Variants in BBS9 observed in about 807,000 individuals in gnomAD.
BBS9 encodes protein PTHB1.
In BBS9, 89 loss-of-function variants were observed where a neutral mutation model predicts 117.7. The ratio of observed to expected loss-of-function variants is 0.76; its 90% CI spans 0.64 to 0.90. BBS9 has a LOEUF of 0.90. Among genes scored for constraint, BBS9 ranks in the 40% least tolerant of loss-of-function variants. The pLI is 0.00. For missense variants in BBS9, 982 were observed against 1,042.2 expected (o/e 0.94, Z 0.80); for synonymous variants, 379 against 370.9 (o/e 1.02, Z -0.25).
chr7:33,598,564 A>G (rs543321018), intron 21 of BBS9, among the ~76,000 whole-genome samples: 4 of 152,342 alleles, frequency 2.6e-5, no homozygotes, highest in African/African-American at 7.2e-5. Flanking sequence ...CACACTAATG[A>G]AAGATATTAA....
chr7:33,285,192 C>G (rs1199310333), intron 9 of BBS9, among the ~76,000 whole-genome samples: 1 of 152,094 alleles, frequency 6.6e-6, no homozygotes, highest in Non-Finnish European at 1.5e-5. Flanking sequence ...AGGTCACTAA[C>G]AGATGTCTGT....
intron 5 of BBS9, among the ~76,000 whole-genome samples, chr7:33,189,591 T>G (rs1017074880): frequency 4.1e-5 from 6 of 145,198 alleles, no homozygotes; most frequent in Admixed American, 4.1e-4. Context: ...GTTTTTTTAA[T>G]TAAAAAAAAA....
At chr7:33,320,834 G>GT (rs888343837) in intron 9 of BBS9, among the ~76,000 whole-genome samples, 21 of 150,642 alleles carry the variant, frequency 1.4e-4, no homozygotes, top group East Asian at 3.9e-4. Context: ...TTTCCTCAAT[G>GT]TTTTTTTTTG....
At chr7:33,293,857 C>T (rs1208005798) in intron 9 of BBS9, among the ~76,000 whole-genome samples, 2 of 152,078 alleles carry the variant, frequency 1.3e-5, no homozygotes, top group Non-Finnish European at 2.9e-5. Flanking sequence ...TATTTCATCA[C>T]TTTCTTCTGA....
Position 33,263,957 on chromosome 7 carries a change from T to G in BBS9, c.618-333T>G, listed in dbSNP as rs865954022. ...GACTGCTTTGCATATTTACATTTTT[T>G]TCTGTCTATTTGGTGTTTAGGTGCT... On this transcript the variant is annotated intron_variant, in intron 6 of 22. Transcript: ENST00000242067. Among the ~76,000 whole-genome samples, 5 of 152,224 alleles carry G rather than the reference T, an allele frequency of 3.3e-5. No individual in the cohort carries two copies. The South Asian group carries it at 1.0e-3, about 32-fold the overall frequency.
At chr7:33,314,783 C>T in intron 9 of BBS9, among the ~76,000 whole-genome samples, 1 of 152,124 alleles carries the variant, frequency 6.6e-6, no homozygotes, top group Non-Finnish European at 1.5e-5. Context: ...AGTTGACACA[C>T]ATGCACAAAA....
rs573342080 is a variant in BBS9 at position 33,549,515 on chromosome 7, C to T, written c.2521+15339C>T. Among the ~76,000 whole-genome samples, 1,014 of 150,286 alleles carry T rather than the reference C, an allele frequency of 6.7e-3. 5 individuals are homozygous for T. Among genetic ancestry groups the T allele is most frequent in the Middle Eastern group, 0.045 (13 of 292 alleles). On this transcript the variant is annotated intron_variant, in intron 21 of 22. Coordinates refer to ENST00000242067, the MANE Select transcript of BBS9 (RefSeq NM_198428.3). Reference sequence around the variant, plus strand: ...AACCTACAAAATGGGAGAAAATTTTCGCAAGCTACTCATCTGACAAAGGGC... The same window carrying T: ...AACCTACAAAATGGGAGAAAATTTTTGCAAGCTACTCATCTGACAAAGGGC...
intron 20 of BBS9, among the ~76,000 whole-genome samples, chr7:33,516,486 C>T (rs539875021): frequency 1.8e-5 from 1 of 54,106 alleles, no homozygotes; most frequent in East Asian, 1.6e-3. Context: ...AATTTCATCT[C>T]CAAAAAAAAA....
chr7:33,177,187 A>T (rs1797444418), intron 4 of BBS9, among the ~76,000 whole-genome samples: 1 of 152,096 alleles, frequency 6.6e-6, no homozygotes, highest in Non-Finnish European at 1.5e-5. Context: ...TTTTGTTGTT[A>T]TTTAAATAAT....
chr7:33,281,400 GTCTCAC>G (rs1353715480), intron 9 of BBS9, among the ~76,000 whole-genome samples: 1 of 122,666 alleles, frequency 8.2e-6, no homozygotes, highest in Admixed American at 1.1e-4. Context: ...TTGAGGCAGG[GTCTCAC>G]TCTGTTTCCC....
intron 19 of BBS9, among the ~76,000 whole-genome samples, chr7:33,457,006 G>C (rs1417204669): frequency 6.6e-6 from 1 of 152,186 alleles, no homozygotes; most frequent in Non-Finnish European, 1.5e-5. Flanking sequence ...GTGAGATTTG[G>C]TCACCATGGT....
intron 19 of BBS9, among the ~76,000 whole-genome samples, chr7:33,418,022 AC>A (rs1444668337): frequency 6.6e-6 from 1 of 152,016 alleles, no homozygotes; most frequent in Non-Finnish European, 1.5e-5. Flanking sequence ...CATCTTGTTC[AC>A]TCTACCAAGC....
intron 19 of BBS9, among the ~76,000 whole-genome samples, chr7:33,423,742 T>G (rs1443403973): frequency 6.6e-6 from 1 of 152,088 alleles, no homozygotes; most frequent in African/African-American, 2.4e-5. Context: ...AGACAAAACT[T>G]GAAGTCTTCT....
intron 21 of BBS9, among the ~76,000 whole-genome samples, chr7:33,625,574 A>G (rs1268307578): frequency 6.6e-6 from 1 of 152,174 alleles, no homozygotes; most frequent in South Asian, 2.1e-4. Flanking sequence ...CTGCTGGTGC[A>G]AGGGTCAGGC....
intron 19 of BBS9, among the ~76,000 whole-genome samples, chr7:33,408,078 G>C (rs558015897): frequency 1.4e-4 from 22 of 152,332 alleles, no homozygotes; most frequent in African/African-American, 4.8e-4. Flanking sequence ...CTGGAGCTGT[G>C]GTGGGCTCCA....
exon 22 of BBS9, among the ~76,000 whole-genome samples, chr7:33,635,349 C>T (rs1866093547): frequency 6.6e-6 from 1 of 152,188 alleles, no homozygotes; most frequent in Non-Finnish European, 1.5e-5. Flanking sequence ...TGTCTTTGGT[C>T]TGTGATGCGA....
chr7:33,425,622 T>G (rs1156938613), intron 19 of BBS9, among the ~76,000 whole-genome samples: 1 of 152,134 alleles, frequency 6.6e-6, no homozygotes, highest in Non-Finnish European at 1.5e-5. Context: ...TGTGTCGAAA[T>G]GGACAGCAGC....
intron 19 of BBS9, among the ~76,000 whole-genome samples, chr7:33,491,799 G>A (rs187597717): frequency 6.6e-6 from 1 of 152,134 alleles, no homozygotes; most frequent in Admixed American, 6.5e-5. Context: ...CCATGAAGAG[G>A]TACTGAAATT....
chr7:33,626,345 G>A (rs1865636069), intron 21 of BBS9, among the ~76,000 whole-genome samples: 1 of 152,154 alleles, frequency 6.6e-6, no homozygotes, highest in Non-Finnish European at 1.5e-5. Context: ...GTCTCATGTG[G>A]TTCCTTATAG....
Sources: allele counts gnomAD v4.1 joint callset (sites outside exome capture counted in the v4.1 genomes callset), GRCh38; gene constraint gnomAD v4.1.1; transcripts MANE v1.5; gene names NCBI Gene and HGNC (gene_info 2026-07-23, HGNC 2026-07-21).